The following CADM2 variants were observed in gnomAD, a reference collection of about 807,000 sequenced individuals.
CADM2 encodes cell adhesion molecule 2, also known as immunoglobulin superfamily member 4D.
CADM2 carries 12 observed loss-of-function variants against 49.8 expected under a neutral mutation model. The observed-to-expected ratio is 0.24, with a 90% confidence interval of 0.15 to 0.39. CADM2 has a LOEUF of 0.39. CADM2 is among the 10% of genes least tolerant of loss of function. The probability of loss-of-function intolerance (pLI) is 1.00; values close to 1 mark genes in which losing one functional copy is unlikely to be tolerated. For synonymous variants in CADM2, 214 were observed against 175.4 expected, an observed-to-expected ratio of 1.22 and a Z score of -1.74; for missense variants, 378 against 492.3, an observed-to-expected ratio of 0.77 and a Z score of 2.20.
intron 7 of CADM2, among the ~76,000 whole-genome samples, chr3:85,960,922 C>T (rs996213292): frequency 1.4e-5 from 2 of 148,096 alleles, no homozygotes; most frequent in Non-Finnish European, 3.0e-5. Flanking sequence ...GTTTTATATT[C>T]TTATTTTATA....
At chr3:85,979,692 G>T (rs1332917460) in intron 8 of CADM2, among the ~76,000 whole-genome samples, 1 of 151,528 alleles carries the variant, frequency 6.6e-6, no homozygotes, top group Non-Finnish European at 1.5e-5. Flanking sequence ...CTGCAACTAT[G>T]TTAAAATATC....
chr3:86,004,500 T>G (rs1730548708), intron 8 of CADM2, among the ~76,000 whole-genome samples: 1 of 152,234 alleles, frequency 6.6e-6, no homozygotes. Context: ...GACACCATGC[T>G]GTATTCCTGT....
intron 1 of CADM2, among the ~76,000 whole-genome samples, chr3:85,282,091 A>G (rs1394250185): frequency 2.6e-5 from 4 of 151,992 alleles, no homozygotes; most frequent in Admixed American, 1.3e-4. Context: ...ATTATACATA[A>G]AACATATATT....
intron 2 of CADM2, among the ~76,000 whole-genome samples, chr3:85,792,091 T>G (rs2071370977): frequency 6.6e-6 from 1 of 152,194 alleles, no homozygotes; most frequent in Non-Finnish European, 1.5e-5. Context: ...ATTTGTGTTT[T>G]CACAACCAAG....
chr3:85,125,425 A>G (rs574149373), intron 1 of CADM2, among the ~76,000 whole-genome samples: 21 of 151,952 alleles, frequency 1.4e-4, no homozygotes, highest in Middle Eastern at 3.4e-3. Context: ...CAGTGACACG[A>G]TCACTGTCAC....
chr3:85,530,393 C>T (rs537581637), intron 1 of CADM2, among the ~76,000 whole-genome samples: 3 of 133,658 alleles, frequency 2.2e-5, no homozygotes, highest in Admixed American at 7.9e-5. Flanking sequence ...TGCAGTGGCG[C>T]GATCTCGGCT....
In CADM2 at chr3:85,890,201, A is replaced by G. The variant is rs543637256; in HGVS notation, c.529+3874A>G. On this transcript the variant is annotated intron_variant, in intron 5 of 9. Transcript: ENST00000383699. ...CAGGAGGGGAGTAAGAAGGAAAAAA[A>G]GGGGTTTAGGGGAAGGGTAGACAAT... Among the ~76,000 whole-genome samples, 585 of 152,110 alleles carry G rather than the reference A, an allele frequency of 3.8e-3. 3 individuals are homozygous for G. Among genetic ancestry groups the G allele is most frequent in the Non-Finnish European group, 6.5e-3 (442 of 67,978 alleles).
chr3:85,944,252 G>A (rs886476963), intron 7 of CADM2, among the ~76,000 whole-genome samples: 18 of 152,042 alleles, frequency 1.2e-4, no homozygotes, highest in African/African-American at 4.1e-4. Flanking sequence ...CCCAATACAG[G>A]AGCACCCAGA....
At chr3:85,188,329 C>CA (rs1247096524) in intron 1 of CADM2, among the ~76,000 whole-genome samples, 1 of 151,838 alleles carries the variant, frequency 6.6e-6, no homozygotes, top group Non-Finnish European at 1.5e-5. Flanking sequence ...TATATGTGAC[C>CA]AAAAAATGCT....
At chr3:84,998,836 A>G (rs1055669965) in intron 1 of CADM2, among the ~76,000 whole-genome samples, 1 of 152,308 alleles carries the variant, frequency 6.6e-6, no homozygotes, top group Non-Finnish European at 1.5e-5. Flanking sequence ...ACTGTGAGTT[A>G]TAATAGCTTT....
At chr3:85,059,638 T>C (rs1389225812) in intron 1 of CADM2, among the ~76,000 whole-genome samples, 1 of 152,124 alleles carries the variant, frequency 6.6e-6, no homozygotes, top group Non-Finnish European at 1.5e-5. Context: ...GGTGAGTCTT[T>C]CCTGTACTGC....
At chr3:85,568,137 A>T (rs6801823) in intron 1 of CADM2, among the ~76,000 whole-genome samples, 78,067 of 152,018 alleles carry the variant, frequency 0.51, 23,087 homozygotes, top group East Asian at 0.85. Flanking sequence ...TAATTCCATC[A>T]AATTGACAGC....
At chr3:85,930,462 C>G (rs926448758) in intron 6 of CADM2, among the ~76,000 whole-genome samples, 1 of 152,044 alleles carries the variant, frequency 6.6e-6, no homozygotes, top group Admixed American at 6.6e-5. Flanking sequence ...AGTCCAATTA[C>G]CTTCTGTAAC....
At chr3:85,165,896 G>C (rs185758271) in intron 1 of CADM2, among the ~76,000 whole-genome samples, 1 of 151,204 alleles carries the variant, frequency 6.6e-6, no homozygotes, top group East Asian at 1.9e-4. Flanking sequence ...TGGCATATGA[G>C]GTATAGTGAT....
chr3:85,171,617 G>C (rs961478366), intron 1 of CADM2, among the ~76,000 whole-genome samples: 2 of 152,182 alleles, frequency 1.3e-5, no homozygotes, highest in African/African-American at 4.8e-5. Context: ...TAGAGATCGT[G>C]CTCAGGTTAA....
intron 1 of CADM2, among the ~76,000 whole-genome samples, chr3:84,966,748 C>T (rs1187639381): frequency 6.6e-6 from 1 of 151,850 alleles, no homozygotes; most frequent in African/African-American, 2.4e-5. Context: ...AGTCATTGTT[C>T]AATTTTGGAA....
intron 1 of CADM2, among the ~76,000 whole-genome samples, chr3:85,582,881 T>G (rs747008137): frequency 5.9e-5 from 9 of 152,240 alleles, no homozygotes; most frequent in South Asian, 4.2e-4. Context: ...ACATCCTTGT[T>G]GGTGACGGTT....
At chr3:85,546,517 T>C (rs1391319114) in intron 1 of CADM2, among the ~76,000 whole-genome samples, 2 of 151,992 alleles carry the variant, frequency 1.3e-5, no homozygotes, top group African/African-American at 4.8e-5. Context: ...TAAATATATA[T>C]ATAATATTGC....
intron 2 of CADM2, among the ~76,000 whole-genome samples, chr3:85,794,255 C>G (rs972779730): frequency 6.6e-6 from 1 of 152,120 alleles, no homozygotes; most frequent in Non-Finnish European, 1.5e-5. Context: ...TGACCATGAA[C>G]AAATGCATGA....
Sources: gnomAD v4.1 joint callset for allele counts (sites outside exome capture counted in the v4.1 genomes callset) on GRCh38, gnomAD v4.1.1 for gene constraint, MANE v1.5 for transcripts, NCBI Gene and HGNC (gene_info 2026-07-23, HGNC 2026-07-21) for gene names.